The following KLHL18 variants were observed in gnomAD, a reference collection of about 807,000 sequenced individuals.
The protein encoded by KLHL18 is kelch-like protein 18.
In KLHL18, 38 loss-of-function variants were observed where a neutral mutation model predicts 58.5. The ratio of observed to expected loss-of-function variants is 0.65; its 90% CI spans 0.50 to 0.85. The LOEUF is 0.85. Among genes scored for constraint, KLHL18 ranks in the 40% least tolerant of loss-of-function variants. The pLI is 0.00. For missense variants in KLHL18, 624 were observed against 778.4 expected (o/e 0.80, Z 2.36); for synonymous variants, 303 against 301.9 (o/e 1.00, Z -0.04).
chr3:47,342,956 C>T (rs1196368870), intron 9 of KLHL18, 126 bp downstream of exon 9: 7 of 700,604 alleles, frequency 1.0e-5, no homozygotes, highest in South Asian at 5.4e-5. Context: ...AGTGAGGTTT[C>T]AGGCTATCCA....
intron 1 of KLHL18, among the ~76,000 whole-genome samples, chr3:47,284,186 C>G (rs936920012): frequency 2.0e-5 from 3 of 152,020 alleles, no homozygotes; most frequent in Non-Finnish European, 4.4e-5. Context: ...GAGTTGTAAT[C>G]ACACCACTGC....
rs1364661954 is a variant in KLHL18 at position 47,343,786 on chromosome 3, G to A, written c.1570G>A (p.Gly524Arg). The A allele has an allele frequency of 6.2e-7, 1 of 1,614,054 alleles. No individual in the cohort carries two copies. The highest frequency in any genetic ancestry group is 1.3e-5 in the African/African-American group (1 of 74,918). Residue 524 changes from glycine to arginine, a missense_variant, in exon 10 of 10, where the codon GGG becomes AGG. Physicochemically the swap from Gly to Arg is moderately radical, Grantham distance 125 (BLOSUM62 -2). Coordinates refer to ENST00000232766, the MANE Select transcript of KLHL18 (RefSeq NM_025010.5). ...CCGGGTCTCCCTGGTGGCCAGCTGT[G>A]GGCGCCTCTACGCTGTTGGGGGCTA... ...RSRVSLVASC[G>R]RLYAVGGYDG...
chr3:47,334,560 T>TAA lies in KLHL18; in HGVS notation c.762-123_762-122insAA. On this transcript the variant is annotated intron_variant, in intron 5 of 9. Transcript: ENST00000232766. The surrounding 1 kb of genome is among the most constrained non-coding windows in gnomAD (Gnocchi z 4.7). ...ACCTGGTTTCTTTGAGACCAGACCT[T>TAA]CCAGAAGGCTTCTCCTCCCAGGTTT... The TAA allele has an allele frequency of 8.9e-7, 1 of 1,119,958 alleles. No homozygotes were observed. Among genetic ancestry groups the TAA allele is most frequent in the Non-Finnish European group, 1.3e-6 (1 of 766,458 alleles). The allele number at this position is 1,119,958 out of a possible 1,614,324, so 69.4% of individuals were successfully genotyped here.
intron 1 of KLHL18, among the ~76,000 whole-genome samples, chr3:47,304,199 A>T (rs1421195725): frequency 6.6e-6 from 1 of 152,180 alleles, no homozygotes; most frequent in Non-Finnish European, 1.5e-5. Context: ...TGTCTTTCAT[A>T]TAAATTTTAG....
chr3:47,335,888 T>G (rs1356936832), intron 6 of KLHL18, among the ~76,000 whole-genome samples: 8 of 152,120 alleles, frequency 5.3e-5, no homozygotes, highest in Admixed American at 1.3e-4. Flanking sequence ...AACAGGTAAA[T>G]CCTCAACTCA....
intron 3 of KLHL18, among the ~76,000 whole-genome samples, chr3:47,326,128 A>G (rs954156002): frequency 6.6e-6 from 1 of 151,872 alleles, no homozygotes; most frequent in Non-Finnish European, 1.5e-5. Context: ...TTGTATTTTT[A>G]GTAGAGATGG....
chr3:47,334,768 T>A lies in KLHL18; in HGVS notation c.847T>A (p.Cys283Ser). The A allele has an allele frequency of 2.5e-6, 4 of 1,614,182 alleles. No individual in the cohort carries two copies. The highest frequency in any genetic ancestry group is 3.4e-6 in the Non-Finnish European group (4 of 1,180,024). Reference sequence around the variant, plus strand: ...AGCTTTCAGAACCCGGCCACGCTGCTGCACATCCATCGCTGGACTTATCTA... The same window carrying A: ...AGCTTTCAGAACCCGGCCACGCTGCAGCACATCCATCGCTGGACTTATCTA... The part of the protein sequence containing the change: ...LPAFRTRPRC[C>S]TSIAGLIYAV... Residue 283 changes from cysteine (C) to serine (S), a missense_variant, in exon 6 of 10, where the codon TGC becomes AGC. By Grantham distance (112) the Cys-to-Ser change is moderately radical (BLOSUM62 -1). Coordinates refer to ENST00000232766, the MANE Select transcript of KLHL18 (RefSeq NM_025010.5). The surrounding 1 kb of genome is among the most constrained non-coding windows in gnomAD (Gnocchi z 4.7).
Position 47,342,714 on chromosome 3 carries a change from T to G in KLHL18, c.1227-5T>G, listed in dbSNP as rs777183104. The G allele has an allele frequency of 7.4e-6, 12 of 1,613,180 alleles. No individual in the cohort carries two copies. Among genetic ancestry groups the G allele is most frequent in the Non-Finnish European group, 1.0e-5 (12 of 1,179,164 alleles). On this transcript the variant is annotated splice_polypyrimidine_tract_variant and splice_region_variant and intron_variant, in intron 8 of 9. Coordinates refer to ENST00000232766, the MANE Select transcript of KLHL18 (RefSeq NM_025010.5). Reference sequence around the variant, plus strand: ...TTCCCCTCCTATTTTGACTCTTTCCTGAAGATGGACAGTGGTGACCTCGAT... The same window carrying G: ...TTCCCCTCCTATTTTGACTCTTTCCGGAAGATGGACAGTGGTGACCTCGAT...
In KLHL18 at chr3:47,329,967, T is replaced by A. The variant is rs1432347716; in HGVS notation, c.418T>A (p.Cys140Ser). ...FLRERLHPKN[C>S]LGVRQFAETM... is the part of the protein sequence containing the mutation. The stretch of plus-strand genomic sequence containing the variant: ...ATGCCAAAGGCTTCACCCAAAAAAC[T>A]GCCTGGGTGTGCGCCAGTTTGCTGA... The change falls in exon 4 of 10, where the codon TGC (cysteine) becomes AGC (serine). Residue 140 changes from cysteine to serine, a missense_variant. By Grantham distance (112) the Cys-to-Ser change is moderately radical. Coordinates refer to ENST00000232766, the MANE Select transcript of KLHL18 (RefSeq NM_025010.5). 6.2e-7 allele frequency: 1 copy of A among 1,614,136 alleles called. No individual in the cohort carries two copies. Among genetic ancestry groups the A allele is most frequent in the Admixed American group, 1.7e-5 (1 of 60,022 alleles).
intron 1 of KLHL18, among the ~76,000 whole-genome samples, chr3:47,313,017 C>G (rs974061089): frequency 6.7e-6 from 1 of 149,170 alleles, no homozygotes; most frequent in Non-Finnish European, 1.5e-5. Context: ...TCACGCCATT[C>G]TCCTGCCTCA....
chr3:47,313,871 A>G (rs185791956), intron 1 of KLHL18, among the ~76,000 whole-genome samples: 1 of 152,120 alleles, frequency 6.6e-6, no homozygotes, highest in East Asian at 1.9e-4. Flanking sequence ...TAACTTCCAA[A>G]TCTTGGTTTT....
intron 1 of KLHL18, among the ~76,000 whole-genome samples, chr3:47,304,598 C>T (rs1264343565): frequency 4.6e-5 from 7 of 152,158 alleles, no homozygotes; most frequent in Non-Finnish European, 8.8e-5. Context: ...CCAAGTGTTA[C>T]TTGCTGGTAC....
chr3:47,331,338 G>T (rs746624132), intron 4 of KLHL18, among the ~76,000 whole-genome samples: 2 of 150,952 alleles, frequency 1.3e-5, no homozygotes, highest in African/African-American at 4.9e-5. Context: ...CGTTGGCCAG[G>T]CTGGTCTTGA....
At chr3:47,341,993 G>A (rs1704120238) in intron 8 of KLHL18, among the ~76,000 whole-genome samples, 1 of 152,046 alleles carries the variant, frequency 6.6e-6, no homozygotes, top group African/African-American at 2.4e-5. Flanking sequence ...GGCTGAGGCA[G>A]GAAGATTGCT....
At chr3:47,335,101 C>T (rs1298252838) in intron 6 of KLHL18, among the ~76,000 whole-genome samples, 1 of 152,192 alleles carries the variant, frequency 6.6e-6, no homozygotes. Context: ...TATGTTCATA[C>T]AATTGTTTTT....
chr3:47,336,635 G>A lies in KLHL18; in HGVS notation c.999G>A (p.Val333=), dbSNP rs1703991892. The part of the protein sequence containing the change: ...TTARSRVGVA[V]VNGLLYAIGG... ...CCCGCAGCCGCGTTGGCGTGGCTGT[G>A]GTGAACGGGCTTCTCTATGCCATCG... is the stretch of plus-strand genomic sequence containing the variant. The change falls in exon 7 of 10, where the codon GTG becomes GTA. Residue 333 remains valine, a synonymous_variant. Transcript: ENST00000232766. 6 of 1,614,260 alleles carry A rather than the reference G, an allele frequency of 3.7e-6. No homozygotes were observed. Among genetic ancestry groups the A allele is most frequent in the Non-Finnish European group, 5.1e-6 (6 of 1,180,052 alleles).
At chr3:47,298,516 A>G (rs1005905015) in intron 1 of KLHL18, among the ~76,000 whole-genome samples, 2 of 152,182 alleles carry the variant, frequency 1.3e-5, no homozygotes, top group Non-Finnish European at 2.9e-5. Context: ...CTGAATATTA[A>G]TTTCTGACTA....
rs187012416 is a variant in KLHL18, at chr3:47,291,239, C to T, written c.129+8145C>T. Among the ~76,000 whole-genome samples, 484 of 152,320 alleles carry T rather than the reference C, an allele frequency of 3.2e-3. 1 individual carries two copies. The highest frequency in any genetic ancestry group is 4.6e-3 in the Non-Finnish European group (313 of 68,028). ...TGTTTTTCTAAATGTGTGTTCCTAG[C>T]CCTTCCCAAATTACAAGCATGGCAG... On this transcript the variant is annotated intron_variant, in intron 1 of 9. Transcript: ENST00000232766.
intron 1 of KLHL18, chr3:47,283,457 A>T: frequency 3.3e-6 from 1 of 304,836 alleles, no homozygotes. Flanking sequence ...ACCACTGAAG[A>T]ACCTTCTCTT....
Sources: gnomAD v4.1 joint callset for allele counts (sites outside exome capture counted in the v4.1 genomes callset) on GRCh38, gnomAD v4.1.1 for gene constraint, Gnocchi (gnomAD v3.1) non-coding constraint, MANE v1.5 for transcripts, NCBI Gene and HGNC (gene_info 2026-07-23, HGNC 2026-07-21) for gene names.